NBEA: variants seen among roughly 807,000 people sequenced by gnomAD.
NBEA encodes the protein lysosomal-trafficking regulator 2.
In NBEA, 44 loss-of-function variants were observed where a neutral mutation model predicts 343.4. The ratio of observed to expected loss-of-function variants is 0.13; its 90% confidence interval spans 0.10 to 0.16. NBEA has a LOEUF of 0.16. NBEA is among the 10% of genes least tolerant of loss of function. The pLI is 1.00. For missense variants in NBEA, 2,555 were observed against 3,631.3 expected (o/e 0.70, Z 7.62); for synonymous variants, 1,175 against 1,238.7 (o/e 0.95, Z 1.08).
intron 10 of NBEA, among the ~76,000 whole-genome samples, chr13:35,078,704 C>T (rs904465331): frequency 2.0e-5 from 3 of 152,096 alleles, no homozygotes; most frequent in African/African-American, 7.2e-5. Context: ...TCCCATGGGA[C>T]TTATGAAAAA....
intron 11 of NBEA, among the ~76,000 whole-genome samples, chr13:35,102,315 G>A (rs1464036079): frequency 6.6e-6 from 1 of 151,544 alleles, no homozygotes; most frequent in East Asian, 1.9e-4. Flanking sequence ...ATTTTAATTT[G>A]TATAGCTTTT....
intron 31 of NBEA, among the ~76,000 whole-genome samples, chr13:35,201,576 G>A (rs1195858522): frequency 6.6e-6 from 1 of 151,950 alleles, no homozygotes; most frequent in African/African-American, 2.4e-5. Flanking sequence ...GAAATTAGGG[G>A]AACTGGATAT....
chr13:35,143,982 T>C (rs1194207082), intron 18 of NBEA, among the ~76,000 whole-genome samples: 1 of 152,138 alleles, frequency 6.6e-6, no homozygotes, highest in African/African-American at 2.4e-5. Flanking sequence ...ATCAAGTCAA[T>C]TGCAGATTTT....
chr13:35,216,139 CTG>C (rs1401327146), intron 33 of NBEA, among the ~76,000 whole-genome samples: 16 of 151,638 alleles, frequency 1.1e-4, no homozygotes, highest in African/African-American at 3.9e-4. Context: ...AAAAATGATA[CTG>C]TGTTCATTAA....
At chr13:35,158,695 T>C (rs998128711) in intron 21 of NBEA, among the ~76,000 whole-genome samples, 1 of 152,174 alleles carries the variant, frequency 6.6e-6, no homozygotes, top group African/African-American at 2.4e-5. Context: ...TAAGCTTACA[T>C]AAATGTGTGG....
At chr13:35,486,943 C>A (rs548349033) in intron 41 of NBEA, among the ~76,000 whole-genome samples, 2 of 151,932 alleles carry the variant, frequency 1.3e-5, no homozygotes, top group Admixed American at 1.3e-4. Context: ...ATGGGATATA[C>A]CTTTATAAAT....
intron 1 of NBEA, among the ~76,000 whole-genome samples, chr13:34,990,468 G>A (rs548543828): frequency 6.6e-6 from 1 of 151,278 alleles, no homozygotes; most frequent in South Asian, 2.1e-4. Context: ...GACCTGAGAT[G>A]TATCTGGGGC....
At chr13:35,367,193 TA>T (rs1229979380) in intron 38 of NBEA, among the ~76,000 whole-genome samples, 1 of 151,278 alleles carries the variant, frequency 6.6e-6, no homozygotes, top group Non-Finnish European at 1.5e-5. Flanking sequence ...AAGACCGTTA[TA>T]AGCATTTTTA....
At chr13:35,010,732 A>AT (rs2061458231) in intron 1 of NBEA, among the ~76,000 whole-genome samples, 1 of 10,156 alleles carries the variant, frequency 9.8e-5, no homozygotes, top group Non-Finnish European at 3.2e-4. Context: ...TCTACAAAAA[A>AT]AAAAAAAAAA....
At chr13:35,367,085 C>T (rs910877580) in intron 38 of NBEA, among the ~76,000 whole-genome samples, 11 of 151,006 alleles carry the variant, frequency 7.3e-5, no homozygotes, top group Non-Finnish European at 1.5e-4. Context: ...TAAAAGTATG[C>T]TATATAATGT....
chr13:35,462,663 C>CATAT (rs2046974108), intron 40 of NBEA, among the ~76,000 whole-genome samples: 1 of 152,034 alleles, frequency 6.6e-6, no homozygotes, highest in Non-Finnish European at 1.5e-5. Flanking sequence ...GTAGAATATG[C>CATAT]TTTTAGGATG....
At chr13:35,565,730 G>A (rs552765901) in intron 44 of NBEA, among the ~76,000 whole-genome samples, 2 of 152,068 alleles carry the variant, frequency 1.3e-5, no homozygotes, top group East Asian at 3.9e-4. Context: ...CAGTTTATGA[G>A]GGGGGGCCGC....
At chr13:35,364,277 A>G (rs512749) in intron 38 of NBEA, among the ~76,000 whole-genome samples, 44,214 of 151,666 alleles carry the variant, frequency 0.29, 8,287 homozygotes, top group African/African-American at 0.54. Flanking sequence ...AGCAAGTCCA[A>G]CAACACATGT....
intron 1 of NBEA, among the ~76,000 whole-genome samples, chr13:35,024,203 T>C (rs563882562): frequency 1.5e-4 from 23 of 152,342 alleles, no homozygotes; most frequent in Middle Eastern, 6.8e-3. Context: ...TAGTATTCCA[T>C]GGTGTATATG....
intron 48 of NBEA, among the ~76,000 whole-genome samples, chr13:35,610,181 C>T (rs1405203288): frequency 6.6e-6 from 1 of 152,190 alleles, no homozygotes; most frequent in Non-Finnish European, 1.5e-5. Flanking sequence ...GATTAATAGA[C>T]ATGGCAAAAC....
chr13:35,550,621 A>C (rs199931673), intron 42 of NBEA, 27 bp downstream of exon 42: 8 of 1,390,090 alleles, frequency 5.8e-6, no homozygotes, highest in Non-Finnish European at 8.1e-6. Flanking sequence ...TTTTGAAAGA[A>C]AATGTGCTCA....
intron 18 of NBEA, among the ~76,000 whole-genome samples, chr13:35,145,331 G>A (rs1047966115): frequency 6.6e-6 from 1 of 152,110 alleles, no homozygotes; most frequent in Non-Finnish European, 1.5e-5. Context: ...CCTTTTGTTC[G>A]ATGGACATGG....
Position 34,987,150 on chromosome 13 carries a change from T to G in NBEA, c.294+44036T>G, listed in dbSNP as rs902488620. The stretch of plus-strand genomic sequence containing the variant: ...TGTTTTTGCAGTGGCTGGTACTGGT[T>G]GCTGCTTTCCATGTTTAGTGGAGCT... On this transcript the variant is annotated intron_variant, in intron 1 of 58. Coordinates refer to ENST00000379939, the MANE Select transcript of NBEA (RefSeq NM_001385012.1). Among the ~76,000 whole-genome samples the G allele has an allele frequency of 4.0e-5, 6 of 151,176 alleles. 2 individuals carry two copies. The highest frequency in any genetic ancestry group is 8.9e-5 in the Non-Finnish European group (6 of 67,536).
intron 33 of NBEA, among the ~76,000 whole-genome samples, chr13:35,218,219 C>A: frequency 6.6e-6 from 1 of 151,992 alleles, no homozygotes; most frequent in East Asian, 1.9e-4. Context: ...TAACTGTTAG[C>A]ATGGAAGGTA....
Sources: gnomAD v4.1 joint callset for allele counts (sites outside exome capture counted in the v4.1 genomes callset) on GRCh38, gnomAD v4.1.1 for gene constraint, MANE v1.5 for transcripts, NCBI Gene and HGNC (gene_info 2026-07-23, HGNC 2026-07-21) for gene names.